Variants in RPL26L1 observed in about 807,000 individuals in gnomAD.
The protein encoded by RPL26L1 is ribosomal protein L26 like 1, also known as ribosomal protein uL24-like.
RPL26L1 carries 8 observed loss-of-function variants against 15.2 expected under a neutral mutation model. The observed-to-expected ratio is 0.53, with a 90% confidence interval of 0.31 to 0.95. The LOEUF is 0.95. Ranked by LOEUF, RPL26L1 falls within the 40% of genes least tolerant of loss-of-function variation. RPL26L1 has a pLI of 0.05. For missense variants in RPL26L1, 146 were observed against 190.9 expected, an observed-to-expected ratio of 0.76 and a Z score of 1.39; for synonymous variants, 51 against 65.9, an observed-to-expected ratio of 0.77 and a Z score of 1.09.
At chr5:172,965,839 T>G (rs764942180) in intron 2 of RPL26L1, among the ~76,000 whole-genome samples, 18 of 152,246 alleles carry the variant, frequency 1.2e-4, no homozygotes, top group Non-Finnish European at 2.2e-4. Context: ...GCTGGCCCAG[T>G]TGGCATTCCA....
chr5:172,959,722 T>C (rs1172428428), intron 1 of RPL26L1, 143 bp from the exon 2 acceptor site: 2 of 1,135,374 alleles, frequency 1.8e-6, no homozygotes, highest in Non-Finnish European at 2.5e-6. Flanking sequence ...TAGTCGCATC[T>C]CTCTGTCCTC....
At chr5:172,957,762 G>A (rs911064598), upstream of RPL26L1, 11 of 165,558 alleles carry the variant, frequency 6.6e-5, no homozygotes, top group Admixed American at 1.2e-4. Flanking sequence ...CTGGGTTGCC[G>A]ATAGGTAATG....
upstream of RPL26L1, chr5:172,958,434 T>C (rs566316574): frequency 8.5e-5 from 39 of 456,250 alleles, 1 homozygote; most frequent in African/African-American, 7.0e-4. Context: ...TGCCGGCATT[T>C]GGCACTAAGT....
At chr5:172,965,706 A>G (rs1383272821) in intron 2 of RPL26L1, among the ~76,000 whole-genome samples, 1 of 152,130 alleles carries the variant, frequency 6.6e-6, no homozygotes, top group Non-Finnish European at 1.5e-5. Flanking sequence ...AATCTCTCAC[A>G]AGCTCTTCCA....
chr5:172,968,442 T>C lies in RPL26L1; in HGVS notation c.169-17T>C, dbSNP rs1011475655. The C allele has an allele frequency of 6.2e-7, 1 of 1,612,444 alleles. No individual in the cohort carries two copies. Among genetic ancestry groups the C allele is most frequent in the African/African-American group, 1.3e-5 (1 of 74,996 alleles). Reference sequence around the variant, plus strand: ...CACTACAAATGGAGGGGGATTCTCTTTTGTATTTTCTCTTAGGTAGTTCGA... The same window carrying C: ...CACTACAAATGGAGGGGGATTCTCTCTTGTATTTTCTCTTAGGTAGTTCGA... On this transcript the variant is annotated splice_polypyrimidine_tract_variant and intron_variant, in intron 2 of 3. Coordinates refer to ENST00000265100, the MANE Select transcript of RPL26L1 (RefSeq NM_016093.4).
At chr5:172,966,941 C>T (rs533727814) in intron 2 of RPL26L1, among the ~76,000 whole-genome samples, 29 of 151,830 alleles carry the variant, frequency 1.9e-4, no homozygotes, top group Admixed American at 1.4e-3. Context: ...CTGCAACCTC[C>T]GCCTTCCAGG....
upstream of RPL26L1, chr5:172,957,220 A>G (rs1214693236): frequency 2.2e-6 from 1 of 456,280 alleles, no homozygotes; most frequent in South Asian, 1.5e-5. Flanking sequence ...GCATGAGACA[A>G]GACAGCCAGT....
At chr5:172,969,312 A>T in intron 3 of RPL26L1, 101 bp from the exon 4 acceptor site, 1 of 1,269,698 alleles carries the variant, frequency 7.9e-7, no homozygotes, top group Non-Finnish European at 1.1e-6. Flanking sequence ...TCAGTTCCTT[A>T]AAAGCTGAAT....
Position 172,959,474 on chromosome 5 carries a change from TG to T in RPL26L1, c.-10+8del. 2 of 1,019,532 alleles carry T rather than the reference TG, an allele frequency of 2.0e-6. No homozygotes were observed. Among genetic ancestry groups the T allele is most frequent in the Non-Finnish European group, 2.4e-6 (2 of 847,436 alleles). 63.2% of individuals were successfully genotyped at this position (1,019,532 alleles called of 1,614,324 possible). On this transcript the variant is annotated splice_region_variant and intron_variant, in intron 1 of 3. Transcript: ENST00000265100. ...CTGAGGCAGCTAGTAGCCGGGTGAG[TG>T]GAGGCTGGAGTTTTCTCGGACAGTG...
chr5:172,956,436 TCA>T (rs1754979007), upstream of RPL26L1, among the ~76,000 whole-genome samples: 1 of 152,178 alleles, frequency 6.6e-6, no homozygotes, highest in African/African-American at 2.4e-5. Flanking sequence ...ACTCAGAGCC[TCA>T]GTTTTCTCAC....
At chr5:172,963,331 G>A (rs1002914640) in intron 2 of RPL26L1, among the ~76,000 whole-genome samples, 5 of 150,398 alleles carry the variant, frequency 3.3e-5, no homozygotes, top group South Asian at 4.2e-4. Context: ...CCAAGATTGC[G>A]CCACTGCACT....
upstream of RPL26L1, chr5:172,958,584 C>A: frequency 2.7e-6 from 1 of 365,786 alleles, no homozygotes. Context: ...CGCCACGGTG[C>A]CCACGGAGGG....
chr5:172,968,380 T>C, intron 2 of RPL26L1, 79 bp from the exon 3 acceptor site: 1 of 1,551,668 alleles, frequency 6.4e-7, no homozygotes, highest in Non-Finnish European at 8.8e-7. Context: ...GTTTAGCCCA[T>C]GTGTTCCTGA....
chr5:172,966,926 G>A (rs577806964), intron 2 of RPL26L1, among the ~76,000 whole-genome samples: 3 of 151,528 alleles, frequency 2.0e-5, no homozygotes, highest in Non-Finnish European at 4.4e-5. Flanking sequence ...CACCATCTCA[G>A]CTCACTGCAA....
intron 2 of RPL26L1, among the ~76,000 whole-genome samples, chr5:172,960,909 G>T (rs1178501218): frequency 3.4e-5 from 4 of 116,244 alleles, no homozygotes; most frequent in Non-Finnish European, 6.7e-5. Flanking sequence ...TAATTGTTGT[G>T]GGGGGTGGGG....
upstream of RPL26L1, chr5:172,958,567 TCC>T (rs1158484466): frequency 6.3e-5 from 23 of 365,252 alleles, no homozygotes; most frequent in African/African-American, 4.6e-4. Context: ...CCCTTTTCCT[TCC>T]CTGCCGCCAC....
upstream of RPL26L1, chr5:172,956,959 C>A: frequency 4.0e-6 from 1 of 250,114 alleles, no homozygotes; most frequent in Non-Finnish European, 8.1e-6. Flanking sequence ...AAAATCCTGA[C>A]ACCAAACCAA....
In RPL26L1 at chr5:172,960,022, G is replaced by T. The variant is rs1013219479; in HGVS notation, c.149G>T (p.Arg50Leu). Residue 50 changes from arginine to leucine, a missense_variant, in exon 2 of 4, where the codon CGC becomes CTC. Physicochemically the swap from Arg to Leu is moderately radical, Grantham distance 102 (BLOSUM62 -2). Transcript: ENST00000265100. ...TACAATGTCCGCTCCATGCCCATCCGCAAGGACGACGAGGTCCAGGTACGT... is the reference window on the plus strand; with the variant it reads ...TACAATGTCCGCTCCATGCCCATCCTCAAGGACGACGAGGTCCAGGTACGT... ...QKYNVRSMPIRKDDEVQVVRG... is the reference protein window; with the variant it reads ...QKYNVRSMPILKDDEVQVVRG... 7 of 1,613,968 alleles carry T rather than the reference G, an allele frequency of 4.3e-6. No individual in the cohort carries two copies. The highest frequency in any genetic ancestry group is 1.3e-5 in the African/African-American group (1 of 74,914).
upstream of RPL26L1, chr5:172,955,026 T>C (rs536085083): frequency 2.0e-5 from 9 of 455,630 alleles, no homozygotes; most frequent in East Asian, 4.9e-4. Context: ...GCTGAAGTGT[T>C]GCAAACAACA....
Sources: gnomAD v4.1 joint callset for allele counts (sites outside exome capture counted in the v4.1 genomes callset) on GRCh38, gnomAD v4.1.1 for gene constraint, MANE v1.5 for transcripts, NCBI Gene and HGNC (gene_info 2026-07-23, HGNC 2026-07-21) for gene names.